The following TBCK variants were observed in gnomAD, a reference collection of about 807,000 sequenced individuals.
TBCK encodes the protein TBC domain-containing protein kinase-like protein.
Under a neutral mutation model 113.4 loss-of-function variants are expected in TBCK, and 99 were observed. That is an observed-to-expected ratio of 0.87 (90% CI 0.74 to 1.03). TBCK has a LOEUF of 1.03. Among genes scored for constraint, TBCK ranks in the 50% least tolerant of loss-of-function variants. The pLI is 0.00. For synonymous variants in TBCK, 369 were observed against 370.8 expected (o/e 1.00, Z 0.05); for missense variants, 1,045 against 1,061.3 (o/e 0.98, Z 0.21).
rs114098787 is a variant in TBCK at position 106,098,319 on chromosome 4, A to T, written c.2412-2678T>A. On this transcript the variant is annotated intron_variant, in intron 24 of 25. Coordinates refer to ENST00000394708, the MANE Select transcript of TBCK (RefSeq NM_001163435.3). Reference sequence around the variant, plus strand: ...AGTCACTATGCTATTTTATAAACTAAGAGTTTAAAAAGCTACAGCTTCAAA... The same window carrying T: ...AGTCACTATGCTATTTTATAAACTATGAGTTTAAAAAGCTACAGCTTCAAA... 5.7e-3 allele frequency among the ~76,000 whole-genome samples: 862 copies of T among 152,224 alleles called. 9 individuals are homozygous for T. The highest frequency in any genetic ancestry group is 0.02 in the African/African-American group (833 of 41,580).
chr4:106,218,991 C>T (rs979768888), intron 19 of TBCK, among the ~76,000 whole-genome samples: 4 of 151,828 alleles, frequency 2.6e-5, no homozygotes, highest in African/African-American at 9.7e-5. Flanking sequence ...CAATGATAGA[C>T]TGGATTAAGA....
At chr4:106,219,673 A>G (rs140781086) in intron 19 of TBCK, among the ~76,000 whole-genome samples, 62 of 152,072 alleles carry the variant, frequency 4.1e-4, no homozygotes, top group East Asian at 9.7e-4. Context: ...TAATTAAAAA[A>G]CCAAGATTAA....
chr4:106,064,972 T>C (rs1736464811), intron 25 of TBCK, among the ~76,000 whole-genome samples: 1 of 151,992 alleles, frequency 6.6e-6, no homozygotes, highest in Non-Finnish European at 1.5e-5. Context: ...AAGAGATGGA[T>C]TCACTATGGA....
chr4:106,154,164 T>C (rs1379176164), intron 23 of TBCK, among the ~76,000 whole-genome samples: 1 of 152,118 alleles, frequency 6.6e-6, no homozygotes, highest in African/African-American at 2.4e-5. Flanking sequence ...TTCCTTTTAG[T>C]GAAGGGGATT....
chr4:106,048,872 A>G (rs888403132), intron 25 of TBCK, among the ~76,000 whole-genome samples: 15 of 152,252 alleles, frequency 9.9e-5, no homozygotes, highest in Middle Eastern at 3.4e-3. Flanking sequence ...GGTAAAGACA[A>G]AGCAGGCAGA....
chr4:106,174,324 G>A (rs1751380099), intron 22 of TBCK, among the ~76,000 whole-genome samples: 1 of 152,008 alleles, frequency 6.6e-6, no homozygotes, highest in African/African-American at 2.4e-5. Flanking sequence ...GTACACAGGA[G>A]GTAAACTATT....
Position 106,231,733 on chromosome 4 carries a change from A to G in TBCK, c.1686T>C (p.Asn562=), listed in dbSNP as rs768480384. Residue 562 remains asparagine, a synonymous_variant, in exon 18 of 26, where the codon AAT becomes AAC. Transcript: ENST00000394708. ...TTAAATGTTAAAGAGGCTTACCTTCATTATTGAAGTTTAGATATAGGAATG... is the reference window on the plus strand; with the variant it reads ...TTAAATGTTAAAGAGGCTTACCTTCGTTATTGAAGTTTAGATATAGGAATG... ...CAPFLYLNFN[N]EALAYACMSA... 15 of 1,608,624 alleles carry G rather than the reference A, an allele frequency of 9.3e-6. No individual in the cohort carries two copies. The highest frequency in any genetic ancestry group is 4.2e-6 in the Non-Finnish European group (5 of 1,177,198).
intron 23 of TBCK, among the ~76,000 whole-genome samples, chr4:106,161,418 C>T (rs542428187): frequency 3.3e-5 from 5 of 151,974 alleles, no homozygotes; most frequent in Non-Finnish European, 7.4e-5. Context: ...TCTTAGCTTT[C>T]CTGGAGAGGA....
At chr4:106,151,767 A>G (rs957765498) in intron 23 of TBCK, among the ~76,000 whole-genome samples, 2 of 151,902 alleles carry the variant, frequency 1.3e-5, no homozygotes, top group African/African-American at 4.8e-5. Flanking sequence ...AATTTCTTGT[A>G]TTAATGTTTC....
chr4:106,202,513 T>C (rs755052864), intron 20 of TBCK, among the ~76,000 whole-genome samples: 7 of 152,048 alleles, frequency 4.6e-5, no homozygotes, highest in Non-Finnish European at 1.0e-4. Flanking sequence ...ACGTTTTCAT[T>C]GAACACAGCT....
At chr4:106,167,611 A>G (rs982092695) in intron 23 of TBCK, among the ~76,000 whole-genome samples, 6 of 151,720 alleles carry the variant, frequency 4.0e-5, no homozygotes, top group African/African-American at 1.4e-4. Context: ...GATGAATAAA[A>G]TCAATAAGCC....
At chr4:106,241,987 G>T (rs1760193573) in intron 12 of TBCK, among the ~76,000 whole-genome samples, 2 of 151,842 alleles carry the variant, frequency 1.3e-5, no homozygotes, top group Non-Finnish European at 2.9e-5. Context: ...ACAAAGATAC[G>T]ATATCAGGGA....
At chr4:106,291,827 G>A (rs531343371) in intron 3 of TBCK, among the ~76,000 whole-genome samples, 1 of 152,258 alleles carries the variant, frequency 6.6e-6, no homozygotes, top group East Asian at 1.9e-4. Context: ...ACCATAACTA[G>A]ACAAACTGAT....
chr4:106,265,927 C>T (rs1301927166), intron 3 of TBCK, among the ~76,000 whole-genome samples: 5 of 151,724 alleles, frequency 3.3e-5, no homozygotes, highest in African/African-American at 1.2e-4. Context: ...ATAAAGAATG[C>T]TATTTAAATT....
chr4:106,306,356 A>G (rs1157823018), intron 2 of TBCK, among the ~76,000 whole-genome samples: 3 of 148,098 alleles, frequency 2.0e-5, no homozygotes, highest in Non-Finnish European at 4.4e-5. Flanking sequence ...AAGTGCTAGG[A>G]TTATAGGCAT....
chr4:106,045,293 G>C lies in TBCK; in HGVS notation c.*1277C>G, dbSNP rs1415947134. 3 of 151,866 alleles carry C rather than the reference G, an allele frequency of 2.0e-5. No homozygotes were observed. The highest frequency in any genetic ancestry group is 2.9e-5 in the Non-Finnish European group (2 of 67,966). The allele number at this position is 151,866 out of a possible 1,614,324, so 9.4% of individuals were successfully genotyped here. On this transcript the variant is annotated 3_prime_UTR_variant, in exon 26 of 26. Coordinates refer to ENST00000394708, the MANE Select transcript of TBCK (RefSeq NM_001163435.3). ...AGGCTGGTCTCAAACTCCTGACCTCGGCCTCCCAGGGAATGTGTCTTTTAA... is the reference window on the plus strand; with the variant it reads ...AGGCTGGTCTCAAACTCCTGACCTCCGCCTCCCAGGGAATGTGTCTTTTAA...
chr4:106,295,197 T>G, intron 2 of TBCK, 31 bp from the exon 3 acceptor site: 1 of 1,601,686 alleles, frequency 6.2e-7, no homozygotes, highest in Non-Finnish European at 8.5e-7. Flanking sequence ...CCATGTTATA[T>G]TTTATCAATA....
chr4:106,175,237 T>C (rs1184143721), intron 22 of TBCK, among the ~76,000 whole-genome samples: 1 of 152,098 alleles, frequency 6.6e-6, no homozygotes, highest in East Asian at 1.9e-4. Context: ...CATAGTTATC[T>C]TTCTGAATAA....
At chr4:106,193,940 T>TA (rs1201569731) in intron 21 of TBCK, among the ~76,000 whole-genome samples, 170 bp from the exon 22 acceptor site, 4 of 152,150 alleles carry the variant, frequency 2.6e-5, no homozygotes, top group African/African-American at 9.7e-5. Context: ...TGAAAATTTA[T>TA]AGCTTCCTAA....
Sources: gnomAD v4.1 joint callset for allele counts (sites outside exome capture counted in the v4.1 genomes callset) on GRCh38, gnomAD v4.1.1 for gene constraint, MANE v1.5 for transcripts, NCBI Gene and HGNC (gene_info 2026-07-23, HGNC 2026-07-21) for gene names.